Variants in KIF20B observed in about 807,000 individuals in gnomAD.
KIF20B encodes kinesin family member 20B.
KIF20B carries 188 observed loss-of-function variants against 232.5 expected under a neutral mutation model. The observed-to-expected ratio is 0.81, with a 90% CI of 0.72 to 0.91. The LOEUF (loss-of-function observed/expected upper bound fraction) is 0.91. Among genes scored for constraint, KIF20B ranks in the 40% least tolerant of loss-of-function variants. The pLI is 0.00. For synonymous variants in KIF20B, 712 were observed against 683.0 expected, an observed-to-expected ratio of 1.04 and a Z score of -0.66; for missense variants, 2,154 against 2,055.9, an observed-to-expected ratio of 1.05 and a Z score of -0.92.
chr10:89,715,285 T>A, intron 8 of KIF20B, 103 bp downstream of exon 8: 1 of 710,872 alleles, frequency 1.4e-6, no homozygotes, highest in South Asian at 1.8e-5. Flanking sequence ...ATTGTAATGC[T>A]AATTATTAAC....
intron 4 of KIF20B, 55 bp from the exon 5 acceptor site, chr10:89,709,872 C>G: frequency 6.9e-7 from 1 of 1,451,488 alleles, no homozygotes. Flanking sequence ...ATGGAACACA[C>G]TATTAATATT....
At chr10:89,753,972 G>A (rs755273538) in intron 25 of KIF20B, among the ~76,000 whole-genome samples, 10 of 151,796 alleles carry the variant, frequency 6.6e-5, no homozygotes, top group African/African-American at 9.7e-5. Flanking sequence ...TTCTACTTGG[G>A]TTTTTTATAT....
At chr10:89,705,152 G>A (rs1842695298) in intron 1 of KIF20B, 142 bp from the exon 2 acceptor site, 2 of 677,274 alleles carry the variant, frequency 3.0e-6, no homozygotes, top group Admixed American at 4.9e-5. Flanking sequence ...AGGGCATTGT[G>A]TTATAAATGA....
At position 89,725,101 on chromosome 10, in the gene KIF20B, A is replaced by T. The variant is rs1210735142; in HGVS notation, c.1944A>T (p.Lys648Asn). ...CTATCTTCAAGGATTTGGTTGGTAA[A>T]TGTGACACTCGAGAAGAAGCAGCGA... ...RLAIFKDLVG[K>N]CDTREEAAKD... The change falls in exon 15 of 33, where the codon AAA becomes AAT. Residue 648 changes from lysine to asparagine, a missense_variant. Lys to Asn is a moderately conservative substitution (Grantham distance 94). Coordinates refer to ENST00000371728, the MANE Select transcript of KIF20B (RefSeq NM_001284259.2). The T allele has an allele frequency of 6.2e-7, 1 of 1,614,110 alleles. No homozygotes were observed. The highest frequency in any genetic ancestry group is 8.5e-7 in the Non-Finnish European group (1 of 1,179,984).
chr10:89,716,591 T>C, intron 9 of KIF20B, 44 bp downstream of exon 9: 1 of 917,590 alleles, frequency 1.1e-6, no homozygotes, highest in Non-Finnish European at 1.7e-6. Flanking sequence ...TCACCGATAG[T>C]ATTCTGTGTT....
intron 13 of KIF20B, among the ~76,000 whole-genome samples, chr10:89,721,616 G>A (rs1340887425): frequency 6.6e-6 from 1 of 152,112 alleles, no homozygotes; most frequent in Non-Finnish European, 1.5e-5. Context: ...GCAGCAGTGA[G>A]CCATCACTGC....
intron 19 of KIF20B, among the ~76,000 whole-genome samples, chr10:89,733,931 G>C (rs551758471): frequency 6.6e-6 from 1 of 152,228 alleles, no homozygotes; most frequent in South Asian, 2.1e-4. Context: ...CATTGCATTT[G>C]AGAAATGAAG....
chr10:89,709,315 G>T (rs765303097), intron 3 of KIF20B, 30 bp from the exon 4 acceptor site: 1 of 1,592,018 alleles, frequency 6.3e-7, no homozygotes, highest in Non-Finnish European at 8.6e-7. Flanking sequence ...CAAAATACTA[G>T]TTTTTATTTA....
Position 89,729,629 on chromosome 10 carries a change from T to TC in KIF20B, c.2391+382_2391+383insC, listed in dbSNP as rs566149963. Among the ~76,000 whole-genome samples the TC allele has an allele frequency of 4.2e-3, 636 of 152,328 alleles. 4 individuals carry two copies. Among genetic ancestry groups the TC allele is most frequent in the African/African-American group, 0.014 (581 of 41,576 alleles). ...ACTATAACATGAAATTCAGTAAAAT[T>TC]AGGTTTTTCCTTAGAAGCTTGTTTT... On this transcript the variant is annotated intron_variant, in intron 18 of 32. Transcript: ENST00000371728.
intron 23 of KIF20B, among the ~76,000 whole-genome samples, chr10:89,747,026 T>C (rs376389714): frequency 2.0e-5 from 3 of 152,212 alleles, no homozygotes; most frequent in South Asian, 2.1e-4. Flanking sequence ...CTGGACGAAA[T>C]TGTGTAAAGA....
intron 8 of KIF20B, 48 bp from the exon 9 acceptor site, chr10:89,716,388 C>T: frequency 1.3e-6 from 1 of 795,956 alleles, no homozygotes. Flanking sequence ...TTGTAGAACA[C>T]ATTCTTTGTC....
intron 14 of KIF20B, among the ~76,000 whole-genome samples, 172 bp downstream of exon 14, chr10:89,724,275 C>T (rs1843128619): frequency 2.0e-5 from 3 of 151,826 alleles, no homozygotes; most frequent in Admixed American, 2.0e-4. Context: ...GCCTGTAATC[C>T]CAGCATTTTG....
chr10:89,707,269 T>G (rs1311084896), intron 2 of KIF20B, among the ~76,000 whole-genome samples: 6 of 152,154 alleles, frequency 3.9e-5, no homozygotes, highest in Admixed American at 3.9e-4. Context: ...GTCACTACAG[T>G]CAAGATAGTG....
rs547971392 is a variant in KIF20B at position 89,730,873 on chromosome 10, G to A, written c.2391+1626G>A. Among the ~76,000 whole-genome samples, 9 of 152,202 alleles carry A rather than the reference G, an allele frequency of 5.9e-5. No homozygotes were observed. In the South Asian group the frequency reaches 6.2e-4, roughly 11 times the overall value. ...TTTGAGTAGATATTTTTGGAAACTT[G>A]GAAGATAGGATTGAGATGGAATTAG... On this transcript the variant is annotated intron_variant, in intron 18 of 32. Coordinates refer to ENST00000371728, the MANE Select transcript of KIF20B (RefSeq NM_001284259.2).
At chr10:89,741,096 G>A (rs923356488) in intron 21 of KIF20B, among the ~76,000 whole-genome samples, 1 of 152,220 alleles carries the variant, frequency 6.6e-6, no homozygotes, top group Non-Finnish European at 1.5e-5. Flanking sequence ...GGAGCCCTGA[G>A]CTTGTTTTCC....
chr10:89,704,220 T>C (rs1286451975), intron 1 of KIF20B, among the ~76,000 whole-genome samples: 2 of 152,152 alleles, frequency 1.3e-5, no homozygotes, highest in Non-Finnish European at 2.9e-5. Context: ...ACTACTTTCT[T>C]GAGCTAGGAA....
rs771614818 is a variant in KIF20B at position 89,738,156 on chromosome 10, G to A, written c.3315G>A (p.Lys1105=). Residue 1105 remains lysine, a synonymous_variant, in exon 20 of 33, where the codon AAG becomes AAA. Transcript: ENST00000371728. ...YKDENNRLKE[K]EHKNQDDLLK... ...ATGAAAACAATAGACTAAAGGAGAA[G>A]GAGCATAAAAACCAAGATGACCTAC... 2 of 1,608,686 alleles carry A rather than the reference G, an allele frequency of 1.2e-6. No homozygotes were observed. The highest frequency in any genetic ancestry group is 2.7e-5 in the African/African-American group (2 of 74,688).
intron 22 of KIF20B, among the ~76,000 whole-genome samples, chr10:89,745,536 T>A (rs140356782): frequency 3.4e-5 from 5 of 145,744 alleles, no homozygotes; most frequent in African/African-American, 1.3e-4. Context: ...AACAAACAAA[T>A]AAATAAATAA....
Position 89,760,598 on chromosome 10 carries a change from C to G in KIF20B, c.4753C>G (p.Leu1585Val), listed in dbSNP as rs1842218798. 6.2e-7 allele frequency: 1 copy of G among 1,612,190 alleles called. No homozygotes were observed. Among genetic ancestry groups the G allele is most frequent in the African/African-American group, 1.3e-5 (1 of 74,874 alleles). ...ADPDKLQTEPLSTSFEISRNK... is the reference protein window; with the variant it reads ...ADPDKLQTEPVSTSFEISRNK... ...TCCTGACAAACTTCAAACTGAACCT[C>G]TATCGACAAGTTTTGAAATTTCCAG... Residue 1585 changes from leucine (L) to valine (V), a missense_variant, in exon 28 of 33, where the codon CTA becomes GTA. Leu to Val is a conservative substitution (Grantham distance 32). Coordinates refer to ENST00000371728, the MANE Select transcript of KIF20B (RefSeq NM_001284259.2).
Sources: gnomAD v4.1 joint callset for allele counts (sites outside exome capture counted in the v4.1 genomes callset) on GRCh38, gnomAD v4.1.1 for gene constraint, MANE v1.5 for transcripts, NCBI Gene and HGNC (gene_info 2026-07-23, HGNC 2026-07-21) for gene names.